PDGFD: variants seen among roughly 807,000 people sequenced by gnomAD.
PDGFD encodes platelet derived growth factor D.
Under a neutral mutation model 44.7 loss-of-function variants are expected in PDGFD, and 30 were observed. The ratio of observed to expected loss-of-function variants is 0.67; its 90% confidence interval spans 0.50 to 0.91. The LOEUF is 0.91. Among genes scored for constraint, PDGFD ranks in the 40% least tolerant of loss-of-function variants. The pLI is 0.00. For synonymous variants in PDGFD, 173 were observed against 168.4 expected, an observed-to-expected ratio of 1.03 and a Z score of -0.21; for missense variants, 445 against 457.8, an observed-to-expected ratio of 0.97 and a Z score of 0.25.
At chr11:104,071,282 A>G (rs1249952297) in intron 1 of PDGFD, among the ~76,000 whole-genome samples, 1 of 151,858 alleles carries the variant, frequency 6.6e-6, no homozygotes, top group African/African-American at 2.4e-5. Context: ...TCATCAGTTA[A>G]GTTGAATATG....
At chr11:103,996,470 A>G (rs1246527618) in intron 2 of PDGFD, among the ~76,000 whole-genome samples, 1 of 152,226 alleles carries the variant, frequency 6.6e-6, no homozygotes, top group African/African-American at 2.4e-5. Context: ...ACATTTAGTC[A>G]TGACTGTTCC....
At chr11:104,096,700 A>G (rs1280996193) in intron 1 of PDGFD, among the ~76,000 whole-genome samples, 1 of 152,198 alleles carries the variant, frequency 6.6e-6, no homozygotes, top group East Asian at 1.9e-4. Context: ...TAAGTGGTCA[A>G]TATTTGATAA....
chr11:104,010,428 AAAG>A (rs1423105234), intron 1 of PDGFD, among the ~76,000 whole-genome samples: 5 of 152,132 alleles, frequency 3.3e-5, no homozygotes, highest in African/African-American at 1.2e-4. Context: ...AATAATGCCC[AAAG>A]TATTATATTC....
intron 1 of PDGFD, among the ~76,000 whole-genome samples, chr11:104,110,402 T>C (rs897183301): frequency 1.3e-5 from 2 of 151,204 alleles, no homozygotes; most frequent in African/African-American, 2.4e-5. Flanking sequence ...GTAGTAGTTA[T>C]CTCAGACCTC....
chr11:103,964,705 C>T (rs1468212402), intron 3 of PDGFD, among the ~76,000 whole-genome samples: 1 of 152,046 alleles, frequency 6.6e-6, no homozygotes, highest in Non-Finnish European at 1.5e-5. Flanking sequence ...GGCTGAGGTG[C>T]TGTCCTCTGT....
At chr11:103,994,136 A>G (rs988713191) in intron 3 of PDGFD, among the ~76,000 whole-genome samples, 1 of 152,194 alleles carries the variant, frequency 6.6e-6, no homozygotes, top group African/African-American at 2.4e-5. Context: ...GCTTTTTACA[A>G]AAGTGGTTAT....
chr11:104,151,593 A>G (rs1271441477), intron 1 of PDGFD, among the ~76,000 whole-genome samples: 1 of 152,182 alleles, frequency 6.6e-6, no homozygotes, highest in Non-Finnish European at 1.5e-5. Context: ...CCAGTGGTCA[A>G]ATAATTATTT....
At chr11:103,961,880 C>T (rs1858942213) in intron 3 of PDGFD, among the ~76,000 whole-genome samples, 3 of 152,206 alleles carry the variant, frequency 2.0e-5, no homozygotes, top group Non-Finnish European at 4.4e-5. Context: ...GGTCTCTTGA[C>T]ATACTGTACT....
intron 3 of PDGFD, among the ~76,000 whole-genome samples, chr11:103,963,200 G>A (rs1335071011): frequency 3.9e-5 from 6 of 152,050 alleles, no homozygotes; most frequent in Non-Finnish European, 8.8e-5. Flanking sequence ...AAAAATGTTG[G>A]TTGGTGCATC....
intron 1 of PDGFD, among the ~76,000 whole-genome samples, chr11:104,067,946 A>G (rs953771041): frequency 4.6e-5 from 7 of 152,182 alleles, no homozygotes; most frequent in Non-Finnish European, 1.0e-4. Flanking sequence ...ATAAGACTGC[A>G]GGGAAGAAAG....
chr11:104,017,931 G>C (rs1414571962), intron 1 of PDGFD, among the ~76,000 whole-genome samples: 2 of 152,140 alleles, frequency 1.3e-5, no homozygotes, highest in African/African-American at 4.8e-5. Context: ...AGAAAGATTT[G>C]AAAATCTACT....
chr11:104,162,591 T>C (rs1020489005), intron 1 of PDGFD, among the ~76,000 whole-genome samples: 3 of 152,180 alleles, frequency 2.0e-5, no homozygotes, highest in Non-Finnish European at 4.4e-5. Flanking sequence ...CTGCTACAAA[T>C]CTACACCACT....
intron 1 of PDGFD, among the ~76,000 whole-genome samples, chr11:104,062,478 C>T (rs1860730833): frequency 6.6e-6 from 1 of 152,068 alleles, no homozygotes; most frequent in African/African-American, 2.4e-5. Flanking sequence ...ATAAAATGGC[C>T]CATTTAAGTT....
intron 6 of PDGFD, among the ~76,000 whole-genome samples, chr11:103,919,074 C>A (rs767887891): frequency 4.6e-5 from 7 of 152,182 alleles, no homozygotes; most frequent in Non-Finnish European, 1.0e-4. Context: ...CATTTCTTAA[C>A]ACCTATGGGT....
chr11:103,947,526 A>G, intron 4 of PDGFD, 136 bp downstream of exon 4: 1 of 679,118 alleles, frequency 1.5e-6, no homozygotes, highest in Non-Finnish European at 2.7e-6. Flanking sequence ...CCTGAATGAA[A>G]TGGAGAAACA....
intron 2 of PDGFD, among the ~76,000 whole-genome samples, chr11:103,997,545 C>A (rs1859551841): frequency 6.6e-6 from 1 of 152,154 alleles, no homozygotes; most frequent in Admixed American, 6.5e-5. Flanking sequence ...AGCTCCATAT[C>A]TCTTGGGTGC....
intron 1 of PDGFD, among the ~76,000 whole-genome samples, chr11:104,143,919 T>G (rs887949364): frequency 6.6e-6 from 1 of 152,238 alleles, no homozygotes; most frequent in Non-Finnish European, 1.5e-5. Context: ...TAAAACTGGT[T>G]TGTTATTTGC....
At chr11:103,914,227 C>T (rs890736596) in intron 6 of PDGFD, among the ~76,000 whole-genome samples, 8 of 152,138 alleles carry the variant, frequency 5.3e-5, no homozygotes, top group African/African-American at 1.9e-4. Context: ...GGAGTGATGG[C>T]CCTCAGCAAA....
At chr11:103,939,275 CT>C in intron 5 of PDGFD, among the ~76,000 whole-genome samples, 1 of 152,168 alleles carries the variant, frequency 6.6e-6, no homozygotes, top group South Asian at 2.1e-4. Flanking sequence ...CTTCATGTCC[CT>C]TGTAAGTTGG....
Sources: gnomAD v4.1 joint callset for allele counts (sites outside exome capture counted in the v4.1 genomes callset) on GRCh38, gnomAD v4.1.1 for gene constraint, MANE v1.5 for transcripts, NCBI Gene and HGNC (gene_info 2026-07-23, HGNC 2026-07-21) for gene names.